Variants in FAM168B observed in about 807,000 individuals in gnomAD.
The protein encoded by FAM168B is myelin-associated neurite-outgrowth inhibitor.
Under a neutral mutation model 21.8 loss-of-function variants are expected in FAM168B, and 19 were observed. The observed-to-expected ratio is 0.87, with a 90% CI of 0.61 to 1.28. The LOEUF is 1.28. Ranked by LOEUF, FAM168B falls within the 50% of genes most tolerant of loss-of-function variation. The pLI, the probability that FAM168B is intolerant of heterozygous loss-of-function variation, is 0.00. For missense variants in FAM168B, 233 were observed against 263.1 expected, an observed-to-expected ratio of 0.89 and a Z score of 0.79; for synonymous variants, 126 against 104.8, an observed-to-expected ratio of 1.20 and a Z score of -1.24.
At chr2:131,073,534 G>C (rs150455216) in intron 2 of FAM168B, among the ~76,000 whole-genome samples, 10 of 152,106 alleles carry the variant, frequency 6.6e-5, no homozygotes, top group Admixed American at 1.3e-4. Flanking sequence ...GCTTTATTAT[G>C]AAAGTGGGTT....
In FAM168B at chr2:131,050,037, T is replaced by C; in HGVS notation, c.*2428A>G. 1 of 985,492 alleles carries C rather than the reference T, an allele frequency of 1.0e-6. No homozygotes were observed. The highest frequency in any genetic ancestry group is 1.2e-6 in the Non-Finnish European group (1 of 829,940). The allele number at this position is 985,492 out of a possible 1,614,324, so 61.0% of individuals were successfully genotyped here. ...TCTGCACGGATGTGCAATGCAAACT[T>C]ATTTCATAAAGCCTCTCAACTTCAT... On this transcript the variant is annotated 3_prime_UTR_variant, in exon 7 of 7. Transcript: ENST00000389915.
chr2:131,089,860 C>G (rs971415831), intron 1 of FAM168B, among the ~76,000 whole-genome samples: 1 of 149,802 alleles, frequency 6.7e-6, no homozygotes, highest in South Asian at 2.1e-4. Context: ...GGTGAAACCC[C>G]GTCTCTACTA....
intron 3 of FAM168B, among the ~76,000 whole-genome samples, chr2:131,068,843 C>T (rs1692708739): frequency 6.6e-6 from 1 of 152,086 alleles, no homozygotes; most frequent in Non-Finnish European, 1.5e-5. Flanking sequence ...TAGTGAAACC[C>T]ATCTCTACAA....
At chr2:131,080,637 G>A (rs1222366413) in intron 2 of FAM168B, among the ~76,000 whole-genome samples, 4 of 149,236 alleles carry the variant, frequency 2.7e-5, no homozygotes, top group African/African-American at 9.9e-5. Context: ...AATAAAAGAG[G>A]TATAATCTTT....
chr2:131,054,216 A>T lies in FAM168B; in HGVS notation c.475+1056T>A, dbSNP rs192920192. ...AGGATGAGACCCTGTCTTAAAAAAAAATATTAAAAATTTTAAAATTAAAAA... is the reference window on the plus strand; with the variant it reads ...AGGATGAGACCCTGTCTTAAAAAAATATATTAAAAATTTTAAAATTAAAAA... On this transcript the variant is annotated intron_variant, in intron 5 of 6. Coordinates refer to ENST00000389915, the MANE Select transcript of FAM168B (RefSeq NM_001009993.4). Among the ~76,000 whole-genome samples, 222 of 151,796 alleles carry T rather than the reference A, an allele frequency of 1.5e-3. 1 individual carries two copies. The highest frequency in any genetic ancestry group is 5.0e-3 in the African/African-American group (205 of 41,330).
In FAM168B at chr2:131,051,550, T is replaced by C. The variant is rs1313574577; in HGVS notation, c.*915A>G. ...CAGAGGACAATACCTCCTGCAAGCA[T>C]GGCTGTTTCTCTTTCACATTTCTTC... On this transcript the variant is annotated 3_prime_UTR_variant, in exon 7 of 7. Coordinates refer to ENST00000389915, the MANE Select transcript of FAM168B (RefSeq NM_001009993.4). 1 of 985,098 alleles carries C rather than the reference T, an allele frequency of 1.0e-6. No individual in the cohort carries two copies. The highest frequency in any genetic ancestry group is 1.2e-6 in the Non-Finnish European group (1 of 829,912). 61.0% of individuals were successfully genotyped at this position (985,098 alleles called of 1,614,324 possible).
intron 5 of FAM168B, among the ~76,000 whole-genome samples, chr2:131,053,263 A>G (rs1412648673): frequency 6.6e-6 from 1 of 152,226 alleles, no homozygotes. Flanking sequence ...AAGCACACCC[A>G]ATAATTTTTA....
At chr2:131,073,621 T>C (rs1053183766) in intron 2 of FAM168B, among the ~76,000 whole-genome samples, 6 of 152,204 alleles carry the variant, frequency 3.9e-5, no homozygotes. Context: ...CACAAGAGGA[T>C]AGAGCCCAAA....
chr2:131,085,522 C>A (rs114377701), intron 1 of FAM168B, among the ~76,000 whole-genome samples: 1 of 152,212 alleles, frequency 6.6e-6, no homozygotes, highest in East Asian at 1.9e-4. Context: ...ATTACGAAGA[C>A]AAAATACAAA....
intron 2 of FAM168B, among the ~76,000 whole-genome samples, chr2:131,077,395 C>T (rs921964744): frequency 2.6e-5 from 4 of 152,248 alleles, no homozygotes; most frequent in East Asian, 1.9e-4. Context: ...TGCCTCATGT[C>T]GGCCTCCAAC....
At chr2:131,057,378 T>C (rs138560994) in intron 3 of FAM168B, among the ~76,000 whole-genome samples, 169 of 152,326 alleles carry the variant, frequency 1.1e-3, no homozygotes, top group African/African-American at 3.9e-3. Context: ...CACAACATGC[T>C]GAGCTTTCCA....
chr2:131,068,873 G>A (rs1444207208), intron 3 of FAM168B, among the ~76,000 whole-genome samples: 1 of 152,110 alleles, frequency 6.6e-6, no homozygotes, highest in Admixed American at 6.6e-5. Context: ...AAAATTAGCC[G>A]AGTGTGGTGG....
At chr2:131,066,235 G>A (rs576601897) in intron 3 of FAM168B, among the ~76,000 whole-genome samples, 2 of 148,924 alleles carry the variant, frequency 1.3e-5, no homozygotes, top group South Asian at 2.1e-4. Context: ...GTGCGATCTC[G>A]ATCTCGACTC....
intron 1 of FAM168B, among the ~76,000 whole-genome samples, chr2:131,088,227 C>A (rs1328360895): frequency 6.7e-6 from 1 of 149,278 alleles, no homozygotes; most frequent in African/African-American, 2.6e-5. Flanking sequence ...GATGGGGCAA[C>A]AGAGCAAGAC....
In FAM168B at chr2:131,050,853, C is replaced by A; in HGVS notation, c.*1612G>T. The A allele has an allele frequency of 1.0e-6, 1 of 985,502 alleles. No individual in the cohort carries two copies. Among genetic ancestry groups the A allele is most frequent in the Non-Finnish European group, 1.2e-6 (1 of 830,024 alleles). The allele number at this position is 985,502 out of a possible 1,614,324, so 61.0% of individuals were successfully genotyped here. A position where few individuals can be genotyped will look rare whatever the true frequency, so the allele number is the denominator to read the frequency against. ...AGAGCCCACAGCACTCAAACCACCA[C>A]TGCACTGGGAAGAAGACGCACGCTC... On this transcript the variant is annotated 3_prime_UTR_variant, in exon 7 of 7. Coordinates refer to ENST00000389915, the MANE Select transcript of FAM168B (RefSeq NM_001009993.4).
At chr2:131,067,465 G>A (rs1573778560) in intron 3 of FAM168B, among the ~76,000 whole-genome samples, 2 of 152,324 alleles carry the variant, frequency 1.3e-5, no homozygotes, top group Admixed American at 1.3e-4. Flanking sequence ...CAGGGGCTGG[G>A]TGTAGTGGCT....
chr2:131,078,413 A>C (rs550482804), intron 2 of FAM168B, among the ~76,000 whole-genome samples: 3 of 152,316 alleles, frequency 2.0e-5, no homozygotes, highest in Admixed American at 2.0e-4. Context: ...AGAAACTATA[A>C]AACAGGGTGC....
At chr2:131,065,724 G>T (rs1573774501) in intron 3 of FAM168B, among the ~76,000 whole-genome samples, 1 of 150,564 alleles carries the variant, frequency 6.6e-6, no homozygotes, top group Non-Finnish European at 1.5e-5. Flanking sequence ...AGGTGGCAAG[G>T]CTTGCAGTGA....
At chr2:131,092,125 C>CA in intron 1 of FAM168B, among the ~76,000 whole-genome samples, 1 of 146,668 alleles carries the variant, frequency 6.8e-6, no homozygotes, top group African/African-American at 2.5e-5. Flanking sequence ...GTCTGGGAAA[C>CA]AGAGGGAGAC....
Sources: allele counts gnomAD v4.1 joint callset (sites outside exome capture counted in the v4.1 genomes callset), GRCh38; gene constraint gnomAD v4.1.1; transcripts MANE v1.5; gene names NCBI Gene and HGNC (gene_info 2026-07-23, HGNC 2026-07-21).